Variants in KCNQ3 observed in about 807,000 individuals in gnomAD.
KCNQ3 encodes potassium voltage-gated channel subfamily Q member 3, also known as potassium voltage-gated channel subfamily KQT member 3.
Under a neutral mutation model 92.5 loss-of-function variants are expected in KCNQ3, and 30 were observed. The observed-to-expected ratio is 0.32, with a 90% CI of 0.24 to 0.44. The LOEUF (loss-of-function observed/expected upper bound fraction) is 0.44. Among genes scored for constraint, KCNQ3 ranks in the 20% least tolerant of loss-of-function variants. The pLI is 1.00. For synonymous variants in KCNQ3, 450 were observed against 468.8 expected, an observed-to-expected ratio of 0.96 and a Z score of 0.52; for missense variants, 913 against 1,140.3, an observed-to-expected ratio of 0.80 and a Z score of 2.87.
Position 132,480,449 on chromosome 8 carries a change from TG to T in KCNQ3, c.83del (p.Pro28GlnfsTer66). 7.5e-7 allele frequency: 1 copy of T among 1,338,856 alleles called. No individual in the cohort carries two copies. The highest frequency in any genetic ancestry group is 2.2e-5 in the South Asian group (1 of 46,040). The allele number at this position is 1,338,856 out of a possible 1,614,324, so 82.9% of individuals were successfully genotyped here. On this transcript the variant is annotated frameshift_variant, in exon 1 of 15. Coordinates refer to ENST00000388996, the MANE Select transcript of KCNQ3 (RefSeq NM_004519.4). LOFTEE classifies it high-confidence loss of function. ...GGGGGGGAAN[P>X]AGGDAAAAGD... is the part of the protein sequence containing the mutation. ...CGGCCGCCGCCGCGTCCCCTCCGGC[TG>T]GGTTAGCCGCCCCGCCGCCTCCGCC...
At chr8:132,413,787 G>A (rs543136199) in intron 1 of KCNQ3, among the ~76,000 whole-genome samples, 2 of 152,340 alleles carry the variant, frequency 1.3e-5, no homozygotes, top group South Asian at 4.1e-4. Context: ...CAGAAGCTGA[G>A]GTTCCTGCCT....
chr8:132,121,008 C>T lies in KCNQ3; in HGVS notation c.*8254G>A, dbSNP rs1264733065. The T allele has an allele frequency of 1.3e-5, 2 of 152,070 alleles. No homozygotes were observed. The highest frequency in any genetic ancestry group is 2.9e-5 in the Non-Finnish European group (2 of 68,018). The allele number at this position is 152,070 out of a possible 1,614,324, so 9.4% of individuals were successfully genotyped here. On this transcript the variant is annotated 3_prime_UTR_variant, in exon 15 of 15. Coordinates refer to ENST00000388996, the MANE Select transcript of KCNQ3 (RefSeq NM_004519.4). ...TTGGACAGAGCCAGAATATAAATTA[C>T]ACATACAGTTTAAAAATTACAGGAA...
At chr8:132,294,202 C>T (rs975106656) in intron 1 of KCNQ3, among the ~76,000 whole-genome samples, 7 of 152,136 alleles carry the variant, frequency 4.6e-5, no homozygotes, top group East Asian at 3.9e-4. Flanking sequence ...AGGGTTTCAC[C>T]GTGTTAGCCA....
chr8:132,295,748 C>T (rs1435352451), intron 1 of KCNQ3, among the ~76,000 whole-genome samples: 2 of 152,154 alleles, frequency 1.3e-5, no homozygotes, highest in Non-Finnish European at 2.9e-5. Flanking sequence ...ATAGATGGAG[C>T]TGGAAGCCAT....
At chr8:132,217,393 C>A (rs1814071498) in intron 1 of KCNQ3, among the ~76,000 whole-genome samples, 1 of 152,146 alleles carries the variant, frequency 6.6e-6, no homozygotes, top group Non-Finnish European at 1.5e-5. Flanking sequence ...ATCTCTACCT[C>A]ATTGAGGTAA....
intron 1 of KCNQ3, among the ~76,000 whole-genome samples, chr8:132,257,745 CAAAA>C (rs1174893538): frequency 1.3e-5 from 1 of 76,624 alleles, no homozygotes; most frequent in African/African-American, 6.5e-5. Flanking sequence ...GACTCCAGCT[CAAAA>C]AAAAAAAAAA....
Position 132,172,631 on chromosome 8 carries a change from C to A in KCNQ3, c.1107G>T (p.Glu369Asp). The A allele has an allele frequency of 6.2e-7, 1 of 1,614,130 alleles. No individual in the cohort carries two copies. ...VQEQHRQKHF[E>D]KRRKPAAELI... ...GCTCAGCAGCTGGCTTCCTCCTTTT[C>A]TCAAAGTGCTTCTGACGGTGTTGCT... Residue 369 changes from glutamate to aspartate, a missense_variant, in exon 7 of 15, where the codon GAG becomes GAT. This residue lies in a region of KCNQ3 where 52 missense variants were observed against 127.7 expected (regional missense o/e 0.41). Coordinates refer to ENST00000388996, the MANE Select transcript of KCNQ3 (RefSeq NM_004519.4).
At chr8:132,423,414 T>C (rs1289987661) in intron 1 of KCNQ3, among the ~76,000 whole-genome samples, 2 of 152,106 alleles carry the variant, frequency 1.3e-5, no homozygotes, top group Non-Finnish European at 2.9e-5. Flanking sequence ...CAATACTTAC[T>C]CCTGAACATC....
At chr8:132,301,966 A>G (rs1817228775) in intron 1 of KCNQ3, among the ~76,000 whole-genome samples, 1 of 152,200 alleles carries the variant, frequency 6.6e-6, no homozygotes, top group Non-Finnish European at 1.5e-5. Flanking sequence ...GGAAACAACC[A>G]AAGGAGACCA....
At chr8:132,336,487 C>A (rs770407829) in intron 1 of KCNQ3, among the ~76,000 whole-genome samples, 9 of 152,160 alleles carry the variant, frequency 5.9e-5, no homozygotes, top group Admixed American at 1.3e-4. Context: ...CATGGAGCTC[C>A]AGACAAACAG....
At chr8:132,308,346 T>A (rs1457786) in intron 1 of KCNQ3, among the ~76,000 whole-genome samples, 118,324 of 151,950 alleles carry the variant, frequency 0.78, 46,525 homozygotes, top group East Asian at 0.92. Flanking sequence ...AGGCAGAATC[T>A]ACAGTGACAA....
At chr8:132,455,744 T>TTTTG (rs928077519) in intron 1 of KCNQ3, among the ~76,000 whole-genome samples, 7 of 152,060 alleles carry the variant, frequency 4.6e-5, no homozygotes, top group African/African-American at 1.2e-4. Flanking sequence ...GGATACTTTT[T>TTTTG]TTTGTTTGTT....
intron 1 of KCNQ3, among the ~76,000 whole-genome samples, chr8:132,272,239 C>T (rs1816172599): frequency 6.6e-6 from 1 of 152,188 alleles, no homozygotes; most frequent in African/African-American, 2.4e-5. Context: ...GTTCTCAGAC[C>T]TTCCCTACCC....
rs1817302105 is a variant in KCNQ3, at chr8:132,303,601, G to GTGT, written c.387-117421_387-117420insACA. On this transcript the variant is annotated intron_variant, in intron 1 of 14. Transcript: ENST00000388996. ...ATATGGTGTGTGTGTATATATATAT[G>GTGT]GTGTGTATATATATATATATATATA... Among the ~76,000 whole-genome samples the GTGT allele has an allele frequency of 4.6e-4, 8 of 17,498 alleles. 1 individual carries two copies. Among genetic ancestry groups the GTGT allele is most frequent in the East Asian group, 4.9e-3 (1 of 206 alleles). 11.5% of individuals were successfully genotyped at this position (17,498 alleles called of 152,430 possible).
At position 132,376,993 on chromosome 8, in the gene KCNQ3, G is replaced by A. The variant is rs180714097; in HGVS notation, c.386+103154C>T. Among the ~76,000 whole-genome samples, 9 of 152,234 alleles carry A rather than the reference G, an allele frequency of 5.9e-5. No homozygotes were observed. In the East Asian group the frequency reaches 1.4e-3, roughly 23 times the overall value. ...AGGACACAACGAAGGAGAGAGAGAG[G>A]AAAAGGGAATTGCGATGGTTAATTT... On this transcript the variant is annotated intron_variant, in intron 1 of 14. Coordinates refer to ENST00000388996, the MANE Select transcript of KCNQ3 (RefSeq NM_004519.4).
At chr8:132,391,170 C>T (rs1353426285) in intron 1 of KCNQ3, among the ~76,000 whole-genome samples, 1 of 152,168 alleles carries the variant, frequency 6.6e-6, no homozygotes, top group Non-Finnish European at 1.5e-5. Flanking sequence ...TAGAGCATAC[C>T]TTGTAAGTGC....
intron 1 of KCNQ3, among the ~76,000 whole-genome samples, chr8:132,329,168 G>A (rs1818156195): frequency 6.6e-6 from 1 of 152,180 alleles, no homozygotes; most frequent in East Asian, 1.9e-4. Flanking sequence ...CGGGAGATCT[G>A]CAGAGCATGA....
intron 1 of KCNQ3, among the ~76,000 whole-genome samples, chr8:132,186,862 TACAA>T (rs1222404339): frequency 6.6e-6 from 1 of 150,922 alleles, no homozygotes; most frequent in Non-Finnish European, 1.5e-5. Flanking sequence ...AGGAGTGAAC[TACAA>T]ACAATTTTTT....
chr8:132,428,207 CTT>C (rs1821159188), intron 1 of KCNQ3, among the ~76,000 whole-genome samples: 1 of 152,210 alleles, frequency 6.6e-6, no homozygotes, highest in Non-Finnish European at 1.5e-5. Context: ...CTGTCTCTCT[CTT>C]TGTGCCATTC....
Sources: allele counts gnomAD v4.1 joint callset (sites outside exome capture counted in the v4.1 genomes callset), GRCh38; gene constraint gnomAD v4.1.1; regional missense constraint gnomAD v4.1.1; transcripts MANE v1.5; gene names NCBI Gene and HGNC (gene_info 2026-07-23, HGNC 2026-07-21).